The following RASGEF1C variants were observed in gnomAD, a reference collection of about 807,000 sequenced individuals.
RASGEF1C encodes RasGEF domain family member 1C.
Under a neutral mutation model 58.1 loss-of-function variants are expected in RASGEF1C, and 27 were observed. The observed-to-expected ratio is 0.46, with a 90% CI of 0.34 to 0.64. RASGEF1C has a LOEUF of 0.64. RASGEF1C is among the 30% of genes least tolerant of loss of function. The pLI is 0.01. For synonymous variants in RASGEF1C, 243 were observed against 246.3 expected, an observed-to-expected ratio of 0.99 and a Z score of 0.13; for missense variants, 502 against 605.1, an observed-to-expected ratio of 0.83 and a Z score of 1.79.
At chr5:180,153,861 G>T (rs1766807140) in intron 1 of RASGEF1C, among the ~76,000 whole-genome samples, 1 of 152,170 alleles carries the variant, frequency 6.6e-6, no homozygotes, top group Non-Finnish European at 1.5e-5. Flanking sequence ...CTCCATCAGG[G>T]TGAGGTGTGC....
intron 1 of RASGEF1C, among the ~76,000 whole-genome samples, chr5:180,204,008 A>AC (rs1756447357): frequency 2.1e-5 from 3 of 140,842 alleles, no homozygotes; most frequent in Admixed American, 7.2e-5. Context: ...ACAAACAAAC[A>AC]AACAACAACA....
At position 180,177,587 on chromosome 5, in the gene RASGEF1C, G is replaced by A. The variant is rs1405523465; in HGVS notation, c.-7+31441C>T. Among the ~76,000 whole-genome samples the A allele has an allele frequency of 6.6e-6, 1 of 152,188 alleles. No individual in the cohort carries two copies. Among genetic ancestry groups the A allele is most frequent in the Non-Finnish European group, 1.5e-5 (1 of 68,040 alleles). ...TTCCCTCTGAAAACAGAGCCCATTTGTCCTTCCTCTCCTGCCCGTGGTAGG... is the reference window on the plus strand; with the variant it reads ...TTCCCTCTGAAAACAGAGCCCATTTATCCTTCCTCTCCTGCCCGTGGTAGG... On this transcript the variant is annotated intron_variant, in intron 1 of 13. Transcript: ENST00000361132. This position sits in a 1 kb window ranked among gnomAD's most constrained non-coding sequence, Gnocchi z 5.0.
At chr5:180,164,391 C>G (rs1766988865) in intron 1 of RASGEF1C, among the ~76,000 whole-genome samples, 1 of 152,106 alleles carries the variant, frequency 6.6e-6, no homozygotes, top group African/African-American at 2.4e-5. Context: ...TTTTCCTTGA[C>G]AAGAGATAAT....
rs146808625 is a variant in RASGEF1C, at chr5:180,118,653, C to T, written c.1039G>A (p.Gly347Arg). The T allele has an allele frequency of 3.8e-5, 61 of 1,613,728 alleles. No homozygotes were observed. Among genetic ancestry groups the T allele is most frequent in the African/African-American group, 1.1e-4 (8 of 74,936 alleles). Reference sequence around the variant, plus strand: ...GCCGTCAGGGAGCGGTGGGCCGCCCCGCGCAGGGCTGTCCTGTAGTTGCAG... The same window carrying T: ...GCCGTCAGGGAGCGGTGGGCCGCCCTGCGCAGGGCTGTCCTGTAGTTGCAG... ...NFCNYRTALR[G>R]AAHRSLTAHS... Residue 347 changes from glycine (G) to arginine (R), a missense_variant, in exon 10 of 14, where the codon GGG (glycine) becomes AGG (arginine). Transcript: ENST00000361132.
intron 6 of RASGEF1C, among the ~76,000 whole-genome samples, chr5:180,121,682 C>CACACACACACACACACA (rs1766179905): frequency 1.8e-4 from 6 of 33,478 alleles, no homozygotes; most frequent in Non-Finnish European, 2.3e-4. Context: ...CACACACACA[C>CACACACACACACACACA]CCTCATTATT....
intron 7 of RASGEF1C, among the ~76,000 whole-genome samples, chr5:180,120,400 G>T (rs1373769391): frequency 6.6e-6 from 1 of 152,194 alleles, no homozygotes; most frequent in South Asian, 2.1e-4. Flanking sequence ...TCATGAACAT[G>T]TGCCCCATAC....
At position 180,121,377 on chromosome 5, in the gene RASGEF1C, G is replaced by A. The variant is rs1001165546; in HGVS notation, c.715-228C>T. Among the ~76,000 whole-genome samples, 7 of 151,286 alleles carry A rather than the reference G, an allele frequency of 4.6e-5. No homozygotes were observed. The East Asian group carries it at 5.9e-4, about 13-fold the overall frequency. On this transcript the variant is annotated intron_variant, in intron 6 of 13. Transcript: ENST00000361132. ...CGCCCAGGCTGGAGTGCGGTGGCGC[G>A]ATCTCGGCTCACTGCAAGCTCCGCC... is the stretch of plus-strand genomic sequence containing the variant.
At chr5:180,141,819 C>T (rs1013482461) in intron 1 of RASGEF1C, among the ~76,000 whole-genome samples, 1 of 151,014 alleles carries the variant, frequency 6.6e-6, no homozygotes, top group Non-Finnish European at 1.5e-5. Flanking sequence ...AAGGGATTCT[C>T]GTGCCTCAGC....
chr5:180,154,509 C>T (rs754071594), intron 1 of RASGEF1C, among the ~76,000 whole-genome samples: 10 of 152,006 alleles, frequency 6.6e-5, no homozygotes, highest in Non-Finnish European at 1.2e-4. Flanking sequence ...TTGAATAAAC[C>T]CGGACCCTCA....
In RASGEF1C at chr5:180,119,388, A is replaced by G; in HGVS notation, c.865T>C (p.Cys289Arg). 1 of 1,613,736 alleles carries G rather than the reference A, an allele frequency of 6.2e-7. No individual in the cohort carries two copies. Among genetic ancestry groups the G allele is most frequent in the African/African-American group, 1.3e-5 (1 of 74,874 alleles). Residue 289 changes from cysteine (C) to arginine (R), a missense_variant, in exon 8 of 14, where the codon TGC becomes CGC. Cys to Arg is a radical substitution (Grantham distance 180). Transcript: ENST00000361132. ...GAGTTGAAGTTGCCGATGTTGAAGC[A>G]CTCGCGGGCCACGTCGATGAAGAAC... is the stretch of plus-strand genomic sequence containing the variant. ...IEFFIDVARE[C>R]FNIGNFNSLM...
intron 1 of RASGEF1C, among the ~76,000 whole-genome samples, chr5:180,152,220 T>A (rs1766757141): frequency 6.6e-6 from 1 of 152,110 alleles, no homozygotes; most frequent in Non-Finnish European, 1.5e-5. Flanking sequence ...CATTACTGGG[T>A]ATATACCCAA....
chr5:180,145,159 C>T (rs1470476298), intron 1 of RASGEF1C, among the ~76,000 whole-genome samples: 1 of 152,136 alleles, frequency 6.6e-6, no homozygotes, highest in Non-Finnish European at 1.5e-5. Context: ...CTCACTCTGT[C>T]ACCCAGGCTG....
rs574871011 is a variant in RASGEF1C, at chr5:180,156,351, C to T, written c.-6-18293G>A. ...TCTCTGGGAGCTGACAAGGCCCCTC[C>T]GGGGGAAGTCGTGAGCAGGGTTGAA... On this transcript the variant is annotated intron_variant, in intron 1 of 13. Transcript: ENST00000361132. This position sits in a 1 kb window ranked among gnomAD's most constrained non-coding sequence, Gnocchi z 4.9. Among the ~76,000 whole-genome samples the T allele has an allele frequency of 9.2e-5, 14 of 152,274 alleles. No homozygotes were observed. The highest frequency in any genetic ancestry group is 6.2e-4 in the South Asian group (3 of 4,828).
rs550047074 is a variant in RASGEF1C, at chr5:180,158,434, C to A, written c.-6-20376G>T. On this transcript the variant is annotated intron_variant, in intron 1 of 13. Coordinates refer to ENST00000361132, the MANE Select transcript of RASGEF1C (RefSeq NM_175062.4). The surrounding 1 kb of genome is among the most constrained non-coding windows in gnomAD (Gnocchi z 4.0). The stretch of plus-strand genomic sequence containing the variant: ...GTTTAAGATCTCACATGCCTGTAAA[C>A]GTTCTCATTTTACTCACACTTGCTA... Among the ~76,000 whole-genome samples, 5 of 152,268 alleles carry A rather than the reference C, an allele frequency of 3.3e-5. No homozygotes were observed. The South Asian group carries it at 1.0e-3, about 32-fold the overall frequency.
At chr5:180,188,561 G>C (rs1192694438) in intron 1 of RASGEF1C, among the ~76,000 whole-genome samples, 2 of 152,176 alleles carry the variant, frequency 1.3e-5, no homozygotes, top group African/African-American at 4.8e-5. Flanking sequence ...TCCCCAACTG[G>C]ATAAAAGGCA....
intron 1 of RASGEF1C, among the ~76,000 whole-genome samples, chr5:180,206,599 C>T (rs957226047): frequency 1.3e-5 from 2 of 152,134 alleles, no homozygotes; most frequent in Non-Finnish European, 2.9e-5. Context: ...AAATATACAC[C>T]TTTGCAAACA....
At chr5:180,171,577 C>T (rs1293464816) in intron 1 of RASGEF1C, among the ~76,000 whole-genome samples, 10 of 152,134 alleles carry the variant, frequency 6.6e-5, no homozygotes, top group African/African-American at 2.4e-4. Flanking sequence ...GGGTCCCAGG[C>T]TCTGTCCCCA....
At position 180,137,485 on chromosome 5, in the gene RASGEF1C, G is replaced by A; in HGVS notation, c.300+105C>T. On this transcript the variant is annotated intron_variant, in intron 3 of 13. Coordinates refer to ENST00000361132, the MANE Select transcript of RASGEF1C (RefSeq NM_175062.4). The surrounding 1 kb of genome is among the most constrained non-coding windows in gnomAD (Gnocchi z 4.1). The stretch of plus-strand genomic sequence containing the variant: ...GAAACACCCGGTAGCCACCTTGTCA[G>A]GAAAACGGGGACAATCATTGCCTCC... The A allele has an allele frequency of 2.0e-6, 3 of 1,486,814 alleles. No individual in the cohort carries two copies. Among genetic ancestry groups the A allele is most frequent in the Non-Finnish European group, 2.7e-6 (3 of 1,100,574 alleles). 92.1% of individuals were successfully genotyped at this position (1,486,814 alleles called of 1,614,324 possible).
At position 180,111,480 on chromosome 5, in the gene RASGEF1C, G is replaced by A. The variant is rs1765959048; in HGVS notation, c.1280C>T (p.Thr427Ile). ...ACCATCCTCACTGAAGATGGGGGCG[G>A]TGTACAGGTAGTGGGTGATGCTGGC... is the stretch of plus-strand genomic sequence containing the variant. ...QDASITHYLY[T>I]APIFSEDGLY... The change falls in exon 12 of 14, where the codon ACC becomes ATC. Residue 427 changes from threonine to isoleucine, a missense_variant. Coordinates refer to ENST00000361132, the MANE Select transcript of RASGEF1C (RefSeq NM_175062.4). The A allele has an allele frequency of 6.2e-7, 1 of 1,614,228 alleles. No individual in the cohort carries two copies.
Sources: gnomAD v4.1 joint callset for allele counts (sites outside exome capture counted in the v4.1 genomes callset) on GRCh38, gnomAD v4.1.1 for gene constraint, Gnocchi (gnomAD v3.1) non-coding constraint, MANE v1.5 for transcripts, NCBI Gene and HGNC (gene_info 2026-07-23, HGNC 2026-07-21) for gene names.